The following SORCS3 variants were observed in gnomAD, a reference collection of about 807,000 sequenced individuals.
The protein encoded by SORCS3 is sortilin related VPS10 domain containing receptor 3.
SORCS3 carries 57 observed loss-of-function variants against 146.3 expected under a neutral mutation model. The ratio of observed to expected loss-of-function variants is 0.39; its 90% CI spans 0.31 to 0.49. The LOEUF is 0.49. Among genes scored for constraint, SORCS3 ranks in the 20% least tolerant of loss-of-function variants. The pLI, the probability that SORCS3 is intolerant of heterozygous loss-of-function variation, is 0.92. For missense variants in SORCS3, 1,341 were observed against 1,575.5 expected, an observed-to-expected ratio of 0.85 and a Z score of 2.52; for synonymous variants, 653 against 618.5, an observed-to-expected ratio of 1.06 and a Z score of -0.83.
chr10:105,048,084 T>G (rs565347740), intron 5 of SORCS3, among the ~76,000 whole-genome samples: 81 of 152,020 alleles, frequency 5.3e-4, no homozygotes, highest in African/African-American at 1.7e-3. Flanking sequence ...ACACTGTTGG[T>G]GGGACTGTAA....
At chr10:105,113,664 G>T (rs371729079) in intron 7 of SORCS3, among the ~76,000 whole-genome samples, 3 of 152,162 alleles carry the variant, frequency 2.0e-5, no homozygotes, top group East Asian at 3.9e-4. Context: ...AGGAGGTAAA[G>T]GTAGCCATCC....
chr10:104,925,276 C>T (rs368068076), intron 3 of SORCS3, among the ~76,000 whole-genome samples: 26 of 152,266 alleles, frequency 1.7e-4, no homozygotes, highest in African/African-American at 6.0e-4. Flanking sequence ...ACACATGACT[C>T]GGTTGTCTTT....
At chr10:104,982,162 G>A (rs565758375) in intron 4 of SORCS3, among the ~76,000 whole-genome samples, 50 of 152,152 alleles carry the variant, frequency 3.3e-4, no homozygotes, top group Non-Finnish European at 5.1e-4. Flanking sequence ...AGTGTTAGGC[G>A]TGGTAGCTGG....
chr10:105,005,996 G>C (rs1276903731), intron 4 of SORCS3, among the ~76,000 whole-genome samples: 2 of 152,174 alleles, frequency 1.3e-5, no homozygotes, highest in African/African-American at 2.4e-5. Context: ...CCAGGCTTGA[G>C]TGCAGTGGCG....
chr10:104,971,798 T>G (rs867605674), intron 3 of SORCS3, among the ~76,000 whole-genome samples: 1 of 151,994 alleles, frequency 6.6e-6, no homozygotes, highest in Non-Finnish European at 1.5e-5. Flanking sequence ...AAGAGAAAAT[T>G]GAGTATCCAA....
intron 1 of SORCS3, among the ~76,000 whole-genome samples, chr10:104,710,738 C>T (rs1408485348): frequency 6.7e-6 from 1 of 149,576 alleles, no homozygotes; most frequent in South Asian, 2.1e-4. Flanking sequence ...ATTCTTGTGG[C>T]TCATAGGAGC....
At chr10:104,701,236 C>T (rs1252449347) in intron 1 of SORCS3, among the ~76,000 whole-genome samples, 1 of 152,164 alleles carries the variant, frequency 6.6e-6, no homozygotes, top group Non-Finnish European at 1.5e-5. Flanking sequence ...GTTAATACAT[C>T]CTTTCCAAAC....
intron 3 of SORCS3, among the ~76,000 whole-genome samples, chr10:104,967,230 A>C (rs1359260381): frequency 1.3e-5 from 2 of 152,200 alleles, no homozygotes; most frequent in African/African-American, 4.8e-5. Flanking sequence ...CTCTGGCCGT[A>C]TTCATGTTGG....
At chr10:105,095,393 G>C (rs2055738696) in intron 6 of SORCS3, among the ~76,000 whole-genome samples, 1 of 152,170 alleles carries the variant, frequency 6.6e-6, no homozygotes, top group Admixed American at 6.5e-5. Context: ...GATGAGGTCA[G>C]GTAACATCCT....
chr10:104,922,403 A>G (rs2019095969), intron 3 of SORCS3, among the ~76,000 whole-genome samples: 2 of 152,230 alleles, frequency 1.3e-5, no homozygotes, highest in Non-Finnish European at 2.9e-5. Context: ...TCACCTGGGC[A>G]GACAAGATGC....
At chr10:104,644,165 T>C (rs1415047860) in intron 1 of SORCS3, among the ~76,000 whole-genome samples, 2 of 152,138 alleles carry the variant, frequency 1.3e-5, no homozygotes, top group Non-Finnish European at 2.9e-5. Context: ...AGCAATGAGA[T>C]TGGACAATGT....
At chr10:104,737,237 A>G (rs979449234) in intron 1 of SORCS3, among the ~76,000 whole-genome samples, 5 of 152,196 alleles carry the variant, frequency 3.3e-5, no homozygotes, top group African/African-American at 9.7e-5. Flanking sequence ...CGCAATAAAC[A>G]TAAGTGTGCA....
chr10:105,084,966 G>A (rs887204445), intron 5 of SORCS3, among the ~76,000 whole-genome samples: 3 of 151,986 alleles, frequency 2.0e-5, no homozygotes, highest in African/African-American at 7.3e-5. Context: ...TCCTGACCTC[G>A]TGATCCGCCC....
chr10:104,755,155 G>A (rs2171912), intron 1 of SORCS3, among the ~76,000 whole-genome samples: 1 of 152,226 alleles, frequency 6.6e-6, no homozygotes, highest in African/African-American at 2.4e-5. Flanking sequence ...GCAGAGGATA[G>A]ATTTTGTTTG....
intron 1 of SORCS3, among the ~76,000 whole-genome samples, chr10:104,696,411 AAT>A (rs1377633283): frequency 4.0e-5 from 2 of 50,472 alleles, no homozygotes; most frequent in Non-Finnish European, 4.1e-5. Flanking sequence ...TATAATATAG[AAT>A]ATATATAATA....
At chr10:105,004,489 A>C (rs1338143934) in intron 4 of SORCS3, among the ~76,000 whole-genome samples, 10 of 152,134 alleles carry the variant, frequency 6.6e-5, no homozygotes, top group Non-Finnish European at 1.2e-4. Flanking sequence ...GAACAGCTGA[A>C]GTCAAAGGGA....
chr10:104,716,652 C>T (rs2133442111), intron 1 of SORCS3, among the ~76,000 whole-genome samples: 1 of 152,136 alleles, frequency 6.6e-6, no homozygotes, highest in East Asian at 1.9e-4. Context: ...ATAGGACCCA[C>T]GTTTAGTCAG....
intron 19 of SORCS3, among the ~76,000 whole-genome samples, chr10:105,219,362 C>T (rs2119661367): frequency 6.6e-6 from 1 of 152,304 alleles, no homozygotes; most frequent in South Asian, 2.1e-4. Context: ...AAAACAGAAA[C>T]TCATTAGAGA....
rs904819630 is a variant in SORCS3 at position 104,910,338 on chromosome 10, G to A, written c.696-5495G>A. On this transcript the variant is annotated intron_variant, in intron 2 of 26. Coordinates refer to ENST00000369701, the MANE Select transcript of SORCS3 (RefSeq NM_014978.3). ...GCCCTGAGGTGACCCACACAGAGAC[G>A]TCACCCCAGAAAAACTTTTCTTCAC... Among the ~76,000 whole-genome samples the A allele has an allele frequency of 5.9e-5, 9 of 152,134 alleles. No homozygotes were observed. In the South Asian group the frequency reaches 1.0e-3, roughly 17 times the overall value.
Sources: allele counts gnomAD v4.1 joint callset (sites outside exome capture counted in the v4.1 genomes callset), GRCh38; gene constraint gnomAD v4.1.1; transcripts MANE v1.5; gene names NCBI Gene and HGNC (gene_info 2026-07-23, HGNC 2026-07-21).